The following ZNRF1 variants were observed in gnomAD, a reference collection of about 807,000 sequenced individuals.
ZNRF1 encodes zinc and ring finger 1, also known as E3 ubiquitin-protein ligase ZNRF1.
ZNRF1 carries 3 observed loss-of-function variants against 18.4 expected under a neutral mutation model. That is an observed-to-expected ratio of 0.16 (90% confidence interval 0.07 to 0.42). The LOEUF is 0.42. Ranked by LOEUF, ZNRF1 falls within the 10% of genes least tolerant of loss-of-function variation. The pLI, the probability that ZNRF1 is intolerant of heterozygous loss-of-function variation, is 0.99. For missense variants in ZNRF1, 310 were observed against 329.8 expected (o/e 0.94, Z 0.47); for synonymous variants, 157 against 144.2 (o/e 1.09, Z -0.64).
intron 2 of ZNRF1, among the ~76,000 whole-genome samples, chr16:75,098,817 C>T (rs1301064221): frequency 1.3e-5 from 2 of 152,262 alleles, no homozygotes; most frequent in African/African-American, 4.8e-5. Flanking sequence ...GCTGCACGGG[C>T]TTTCCCTCCC....
At chr16:75,085,372 A>G (rs569259417) in intron 1 of ZNRF1, among the ~76,000 whole-genome samples, 2 of 152,232 alleles carry the variant, frequency 1.3e-5, no homozygotes, top group South Asian at 4.1e-4. Flanking sequence ...ATTGCTTTTT[A>G]TAGCTGAGTA....
At chr16:75,053,493 G>A (rs1264921037) in intron 1 of ZNRF1, among the ~76,000 whole-genome samples, 1 of 151,230 alleles carries the variant, frequency 6.6e-6, no homozygotes, top group Non-Finnish European at 1.5e-5. Context: ...AGAGACTGAG[G>A]CAGGAGAATC....
At chr16:75,101,279 GGCGCGGTGGCTCAC>G (rs1422837199) in intron 2 of ZNRF1, among the ~76,000 whole-genome samples, 1 of 152,204 alleles carries the variant, frequency 6.6e-6, no homozygotes, top group Non-Finnish European at 1.5e-5. Flanking sequence ...CTTATTGCTG[GGCGCGGTGGCTCAC>G]GCCTGTAATC....
chr16:75,041,573 G>A (rs1323336840), intron 1 of ZNRF1, among the ~76,000 whole-genome samples: 2 of 151,522 alleles, frequency 1.3e-5, no homozygotes, highest in Admixed American at 6.6e-5. Context: ...CAAGTGATAC[G>A]CCCGCCTCAG....
chr16:75,071,163 A>T (rs900607395), intron 1 of ZNRF1, among the ~76,000 whole-genome samples: 1 of 149,898 alleles, frequency 6.7e-6, no homozygotes, highest in Non-Finnish European at 1.5e-5. Context: ...GCAGTGGTGC[A>T]ATCTTGGCTC....
intron 1 of ZNRF1, among the ~76,000 whole-genome samples, chr16:75,060,593 C>A (rs549561095): frequency 1.3e-5 from 2 of 150,902 alleles, no homozygotes; most frequent in East Asian, 1.9e-4. Flanking sequence ...ATTCTCCTGC[C>A]TCCCTCCCAA....
chr16:75,018,375 CTG>C (rs772025056), intron 1 of ZNRF1, among the ~76,000 whole-genome samples: 3 of 152,142 alleles, frequency 2.0e-5, no homozygotes, highest in Non-Finnish European at 4.4e-5. Flanking sequence ...CAAATAATGA[CTG>C]TTTTGTTTCC....
intron 1 of ZNRF1, among the ~76,000 whole-genome samples, chr16:75,078,296 C>CTTTTTTTTTTT (rs36075131): frequency 3.5e-5 from 4 of 113,126 alleles, no homozygotes; most frequent in African/African-American, 3.7e-5. Context: ...TCTTTCTTTC[C>CTTTTTTTTTTT]TTTTTTTTTT....
At chr16:75,042,519 C>T (rs1597875570) in intron 1 of ZNRF1, among the ~76,000 whole-genome samples, 1 of 133,566 alleles carries the variant, frequency 7.5e-6, no homozygotes, top group Non-Finnish European at 1.6e-5. Context: ...ACCATCCTTT[C>T]TTCCTGAATT....
At chr16:75,038,918 T>C (rs557141777) in intron 1 of ZNRF1, among the ~76,000 whole-genome samples, 1 of 152,240 alleles carries the variant, frequency 6.6e-6, no homozygotes, top group Non-Finnish European at 1.5e-5. Context: ...TGCTCCAGTA[T>C]ACAGTGATGT....
At chr16:75,090,429 G>A (rs59662756) in intron 1 of ZNRF1, among the ~76,000 whole-genome samples, 3,147 of 152,204 alleles carry the variant, frequency 0.021, 134 homozygotes, top group African/African-American at 0.073. Flanking sequence ...TGTTGCCCGG[G>A]CAGGTCTCAA....
chr16:75,014,157 A>G (rs2035036184), intron 1 of ZNRF1, among the ~76,000 whole-genome samples: 1 of 152,166 alleles, frequency 6.6e-6, no homozygotes, highest in South Asian at 2.1e-4. Context: ...AAAATGAAAT[A>G]TTTTAGGCAT....
At chr16:75,013,472 G>A (rs1281481393) in intron 1 of ZNRF1, among the ~76,000 whole-genome samples, 3 of 151,842 alleles carry the variant, frequency 2.0e-5, no homozygotes, top group African/African-American at 4.8e-5. Flanking sequence ...TCAGCCTCCC[G>A]AGTAGCTGGG....
At chr16:75,017,056 A>C (rs2035081896) in intron 1 of ZNRF1, among the ~76,000 whole-genome samples, 1 of 152,056 alleles carries the variant, frequency 6.6e-6, no homozygotes, top group African/African-American at 2.4e-5. Context: ...GGGCAGTTTC[A>C]TTTTTTTCCC....
intron 1 of ZNRF1, among the ~76,000 whole-genome samples, chr16:75,052,748 A>T (rs2035621362): frequency 6.6e-6 from 1 of 152,126 alleles, no homozygotes. Context: ...TGCAGCCAAC[A>T]TTGTCTATAT....
chr16:75,100,344 G>A (rs2036241596), intron 2 of ZNRF1, among the ~76,000 whole-genome samples: 1 of 152,224 alleles, frequency 6.6e-6, no homozygotes, highest in South Asian at 2.1e-4. Context: ...TAGTGCACAG[G>A]CCTTCCGCCC....
intron 1 of ZNRF1, among the ~76,000 whole-genome samples, chr16:75,012,073 GA>G (rs1412233244): frequency 6.6e-6 from 1 of 152,180 alleles, no homozygotes; most frequent in Non-Finnish European, 1.5e-5. Flanking sequence ...GCTGTTGGGG[GA>G]GGGATTTGAG....
At chr16:75,037,168 T>A (rs1488304698) in intron 1 of ZNRF1, among the ~76,000 whole-genome samples, 1 of 152,190 alleles carries the variant, frequency 6.6e-6, no homozygotes, top group Non-Finnish European at 1.5e-5. Context: ...TGGATGATAC[T>A]GTTGAGATCT....
intron 1 of ZNRF1, among the ~76,000 whole-genome samples, chr16:75,064,667 A>G (rs1385801058): frequency 6.6e-6 from 1 of 152,144 alleles, no homozygotes; most frequent in Non-Finnish European, 1.5e-5. Flanking sequence ...GGCTCTAGAA[A>G]TGTGGGCTGC....
Sources: allele counts gnomAD v4.1 joint callset (sites outside exome capture counted in the v4.1 genomes callset), GRCh38; gene constraint gnomAD v4.1.1; transcripts MANE v1.5; gene names NCBI Gene and HGNC (gene_info 2026-07-23, HGNC 2026-07-21).